Variants in ST6GALNAC5 observed in about 807,000 individuals in gnomAD.
ST6GALNAC5 encodes ST6 N-acetylgalactosaminide alpha-2,6-sialyltransferase 5, also known as alpha-N-acetylgalactosaminide alpha-2,6-sialyltransferase 5.
ST6GALNAC5 carries 27 observed loss-of-function variants against 33.6 expected under a neutral mutation model. The ratio of observed to expected loss-of-function variants is 0.80; its 90% CI spans 0.59 to 1.11. The LOEUF is 1.11. Ranked by LOEUF, ST6GALNAC5 falls within the 50% of genes least tolerant of loss-of-function variation. The pLI is 0.00. For synonymous variants in ST6GALNAC5, 194 were observed against 171.2 expected, an observed-to-expected ratio of 1.13 and a Z score of -1.04; for missense variants, 428 against 454.0, an observed-to-expected ratio of 0.94 and a Z score of 0.52.
At chr1:76,930,782 A>G (rs1250335117) in intron 2 of ST6GALNAC5, among the ~76,000 whole-genome samples, 1 of 152,136 alleles carries the variant, frequency 6.6e-6, no homozygotes, top group African/African-American at 2.4e-5. Context: ...ACCTCCATGT[A>G]TTCATGTATT....
chr1:76,909,261 T>C (rs1646890128), intron 2 of ST6GALNAC5, among the ~76,000 whole-genome samples: 1 of 152,128 alleles, frequency 6.6e-6, no homozygotes, highest in Non-Finnish European at 1.5e-5. Flanking sequence ...TATAAATGCT[T>C]AAGATAGGCC....
intron 2 of ST6GALNAC5, among the ~76,000 whole-genome samples, chr1:77,019,065 A>AG (rs556813762): frequency 2.9e-4 from 44 of 152,336 alleles, no homozygotes; most frequent in African/African-American, 9.9e-4. Flanking sequence ...GAGCTTTGGA[A>AG]GGGAAAAAGA....
At chr1:77,005,502 C>T (rs1650370854) in intron 2 of ST6GALNAC5, among the ~76,000 whole-genome samples, 1 of 152,234 alleles carries the variant, frequency 6.6e-6, no homozygotes, top group African/African-American at 2.4e-5. Flanking sequence ...ATTCAGCCAT[C>T]TTGGCTCCTC....
rs1419232343 is a variant in ST6GALNAC5 at position 77,000,284 on chromosome 1, G to C, written c.262-43920G>C. Among the ~76,000 whole-genome samples, 8 of 120,124 alleles carry C rather than the reference G, an allele frequency of 6.7e-5. 1 individual carries two copies. Among genetic ancestry groups the C allele is most frequent in the African/African-American group, 2.1e-4 (8 of 38,990 alleles). 78.8% of individuals were successfully genotyped at this position (120,124 alleles called of 152,430 possible). Reference sequence around the variant, plus strand: ...TCATGTGTTTTTTGGCTGCATAAATGTCTTCTTTTGAGAAGTGTCTGTTCA... The same window carrying C: ...TCATGTGTTTTTTGGCTGCATAAATCTCTTCTTTTGAGAAGTGTCTGTTCA... On this transcript the variant is annotated intron_variant, in intron 2 of 4. Transcript: ENST00000477717.
chr1:76,989,480 G>T (rs1296450606), intron 2 of ST6GALNAC5, among the ~76,000 whole-genome samples: 2 of 151,560 alleles, frequency 1.3e-5, no homozygotes, highest in Non-Finnish European at 2.9e-5. Flanking sequence ...ACTTTCATTG[G>T]TATGGTAATA....
At chr1:76,912,507 C>G (rs988958656) in intron 2 of ST6GALNAC5, among the ~76,000 whole-genome samples, 2 of 151,874 alleles carry the variant, frequency 1.3e-5, no homozygotes, top group African/African-American at 4.8e-5. Context: ...GTTGATCTGT[C>G]TAATGTTACA....
intron 2 of ST6GALNAC5, among the ~76,000 whole-genome samples, chr1:77,000,028 A>G (rs1470715200): frequency 1.1e-5 from 1 of 88,390 alleles, no homozygotes; most frequent in African/African-American, 3.2e-5. Context: ...GCTGGGTCAA[A>G]TGGTATTTCT....
chr1:76,963,606 G>A (rs1296421166), intron 2 of ST6GALNAC5, among the ~76,000 whole-genome samples: 1 of 152,208 alleles, frequency 6.6e-6, no homozygotes, highest in Non-Finnish European at 1.5e-5. Flanking sequence ...TAGTAGGCAG[G>A]TGGAGCTGCC....
At chr1:76,986,739 A>G (rs1284952933) in intron 2 of ST6GALNAC5, among the ~76,000 whole-genome samples, 1 of 152,222 alleles carries the variant, frequency 6.6e-6, no homozygotes, top group African/African-American at 2.4e-5. Flanking sequence ...ACTATTCACA[A>G]TATCAATGAC....
intron 2 of ST6GALNAC5, among the ~76,000 whole-genome samples, chr1:76,900,151 G>T (rs773491467): frequency 6.6e-6 from 1 of 152,156 alleles, no homozygotes; most frequent in Admixed American, 6.5e-5. Context: ...TCAAAGGGGG[G>T]TTGTTCTCTG....
chr1:76,898,065 GAGTC>G (rs1646771800), intron 2 of ST6GALNAC5, among the ~76,000 whole-genome samples: 1 of 152,228 alleles, frequency 6.6e-6, no homozygotes, highest in Admixed American at 6.5e-5. Context: ...ATCTGGGAAG[GAGTC>G]AGTCAGAGAG....
intron 2 of ST6GALNAC5, among the ~76,000 whole-genome samples, chr1:76,972,067 A>G (rs1648780048): frequency 6.6e-6 from 1 of 152,226 alleles, no homozygotes; most frequent in South Asian, 2.1e-4. Context: ...CTGCTAATAA[A>G]TAAATACCCG....
At chr1:76,893,160 C>T (rs1463090906) in intron 2 of ST6GALNAC5, among the ~76,000 whole-genome samples, 1 of 151,928 alleles carries the variant, frequency 6.6e-6, no homozygotes, top group African/African-American at 2.4e-5. Flanking sequence ...GCTTAGGAGA[C>T]CAGCACTCAG....
rs201230396 is a variant in ST6GALNAC5 at position 77,057,286 on chromosome 1, GA to G, written c.780-5684del. On this transcript the variant is annotated intron_variant, in intron 4 of 4. Coordinates refer to ENST00000477717, the MANE Select transcript of ST6GALNAC5 (RefSeq NM_030965.3). ...TTAACCTAGATCACACTATAGGAGA[GA>G]AAAAGTAATTTCTTTTCCTCATCCA... 1.4e-3 allele frequency among the ~76,000 whole-genome samples: 218 copies of G among 152,298 alleles called. 4 individuals carry two copies. The East Asian group carries it at 0.038, about 27-fold the overall frequency.
intron 2 of ST6GALNAC5, among the ~76,000 whole-genome samples, chr1:77,016,723 C>G (rs1288939126): frequency 2.0e-5 from 3 of 152,152 alleles, no homozygotes; most frequent in Admixed American, 2.0e-4. Context: ...TAAATGACAT[C>G]TTTTTCTTTT....
Position 77,066,995 on chromosome 1 carries a change from C to T in ST6GALNAC5, c.*3789C>T, listed in dbSNP as rs552169932. ...ATATATCTGGCTACCATACAAGGTA[C>T]TTCAGAAGTACCATTATGGTTTGCC... On this transcript the variant is annotated 3_prime_UTR_variant, in exon 5 of 5. Transcript: ENST00000477717. Among the ~76,000 whole-genome samples, 1 of 152,284 alleles carries T rather than the reference C, an allele frequency of 6.6e-6. No individual in the cohort carries two copies. Among genetic ancestry groups the T allele is most frequent in the East Asian group, 1.9e-4 (1 of 5,182 alleles).
At position 76,867,537 on chromosome 1, in the gene ST6GALNAC5, CCG is replaced by C; in HGVS notation, c.-132_-131del. 7.2e-7 allele frequency: 1 copy of C among 1,388,684 alleles called. No individual in the cohort carries two copies. The highest frequency in any genetic ancestry group is 1.0e-6 in the Non-Finnish European group (1 of 978,462). 86.0% of individuals were successfully genotyped at this position (1,388,684 alleles called of 1,614,324 possible). ...CCGCGCTTCCCGGGTCCCGCGGCTC[CCG>C]CGCGCGATCTGCCGCGGCCGGCTGC... On this transcript the variant is annotated 5_prime_UTR_variant, in exon 1 of 5. Transcript: ENST00000477717.
At chr1:76,913,323 C>A (rs1380236602) in intron 2 of ST6GALNAC5, among the ~76,000 whole-genome samples, 1 of 151,130 alleles carries the variant, frequency 6.6e-6, no homozygotes, top group South Asian at 2.1e-4. Context: ...TGTGGGTAAC[C>A]CGACCTTTCT....
At chr1:76,992,489 C>CTGTAA (rs1553171145) in intron 2 of ST6GALNAC5, among the ~76,000 whole-genome samples, 1 of 150,528 alleles carries the variant, frequency 6.6e-6, no homozygotes, top group African/African-American at 2.4e-5. Context: ...TGTGGTCCCT[C>CTGTAA]TTTAATTTAA....
Sources: allele counts gnomAD v4.1 joint callset (sites outside exome capture counted in the v4.1 genomes callset), GRCh38; gene constraint gnomAD v4.1.1; transcripts MANE v1.5; gene names NCBI Gene and HGNC (gene_info 2026-07-23, HGNC 2026-07-21).